TNRC6C: variants seen among roughly 807,000 people sequenced by gnomAD.
TNRC6C encodes the protein trinucleotide repeat containing adaptor 6C, also known as trinucleotide repeat-containing gene 6C protein.
TNRC6C carries 20 observed loss-of-function variants against 153.7 expected under a neutral mutation model. The observed-to-expected ratio is 0.13, with a 90% CI of 0.09 to 0.19. TNRC6C has a LOEUF of 0.19. TNRC6C is among the 10% of genes least tolerant of loss of function. The probability of loss-of-function intolerance (pLI) is 1.00; values close to 1 mark genes in which losing one functional copy is unlikely to be tolerated. For synonymous variants in TNRC6C, 811 were observed against 841.4 expected (o/e 0.96, Z 0.63); for missense variants, 1,987 against 2,172.0 (o/e 0.91, Z 1.69).
intron 3 of TNRC6C, 125 bp from the exon 6 acceptor site, chr17:78,064,597 T>G (rs2072835029): frequency 1.1e-6 from 1 of 904,456 alleles, no homozygotes; most frequent in Non-Finnish European, 1.7e-6. Flanking sequence ...CTTTAAATTT[T>G]CTACTAAAGG....
rs752119878 is a variant in TNRC6C at position 78,104,652 on chromosome 17, G to A, written c.4880G>A (p.Arg1627His). The A allele has an allele frequency of 1.0e-5, 16 of 1,545,036 alleles. No individual in the cohort carries two copies. The highest frequency in any genetic ancestry group is 2.4e-5 in the East Asian group (1 of 40,886). ...GCGGGCAGCTCCCATGGCCTGGTAC[G>A]CAGCGACGCTGGCCACTGGAACGCC... Residue 1627 changes from arginine (R) to histidine (H), a missense_variant, in exon 20 of 20, where the codon CGC (arginine) becomes CAC (histidine). Arg to His is a conservative substitution (Grantham distance 29, BLOSUM62 0). This residue lies in a region of TNRC6C where 139 missense variants were observed against 148.5 expected (regional missense o/e 0.94). Transcript: ENST00000301624. The surrounding 1 kb of genome is among the most constrained non-coding windows in gnomAD (Gnocchi z 6.2).
chr17:78,084,538 G>A (rs1441387849), intron 11 of TNRC6C, among the ~76,000 whole-genome samples: 3 of 151,908 alleles, frequency 2.0e-5, no homozygotes, highest in Admixed American at 6.6e-5. Context: ...ATGTGTCCTC[G>A]CTTTAATGGA....
rs377253780 is a variant in TNRC6C, at chr17:78,071,181, G to GTTACCCACCATGC, written c.2859+18_2859+19insACCCACCATGCTT. 305 of 1,587,840 alleles carry GTTACCCACCATGC rather than the reference G, an allele frequency of 1.9e-4. No individual in the cohort carries two copies. In the African/African-American group the frequency reaches 3.8e-3, roughly 20 times the overall value. On this transcript the variant is annotated intron_variant, in intron 6 of 19. Coordinates refer to ENST00000301624, the Ensembl canonical transcript of TNRC6C. ...GGGCTTCCCGGTAACTGGCGTCGTA[G>GTTACCCACCATGC]TTTACTGCTACCCACCATGCTTCCC...
intron 18 of TNRC6C, among the ~76,000 whole-genome samples, 157 bp from the exon 22 acceptor site, chr17:78,103,257 A>C (rs916685044): frequency 2.6e-5 from 4 of 152,274 alleles, no homozygotes; most frequent in Non-Finnish European, 5.9e-5. Flanking sequence ...ACAGAGATAT[A>C]AAACGTTAAT....
At chr17:78,077,089 A>G (rs2073098076) in intron 8 of TNRC6C, 96 bp from the exon 11 acceptor site, 19 of 1,358,028 alleles carry the variant, frequency 1.4e-5, no homozygotes, top group Non-Finnish European at 1.9e-5. Context: ...TTAATTATTT[A>G]TCCATCCACG....
chr17:78,074,246 T>C lies in TNRC6C; in HGVS notation c.2918-890T>C, dbSNP rs1437549818. ...ATAAATGGACCACAAAAAGGACACT[T>C]CTTTACAACCTGATATCTGAGGCTC... On this transcript the variant is annotated intron_variant, in intron 7 of 19. Transcript: ENST00000301624. 2.0e-5 allele frequency among the ~76,000 whole-genome samples: 3 copies of C among 152,148 alleles called. No individual in the cohort carries two copies. The East Asian group carries it at 5.8e-4, about 29-fold the overall frequency.
At chr17:78,097,386 T>C (rs990761144) in intron 16 of TNRC6C, among the ~76,000 whole-genome samples, 1 of 152,230 alleles carries the variant, frequency 6.6e-6, no homozygotes, top group Non-Finnish European at 1.5e-5. Context: ...GGATGTAGAT[T>C]GCCCTGGATT....
chr17:78,103,367 A>G (rs1266123656), intron 18 of TNRC6C, 47 bp from the exon 22 acceptor site: 1 of 1,604,762 alleles, frequency 6.2e-7, no homozygotes, highest in African/African-American at 1.3e-5. Flanking sequence ...CTGTAGTGAA[A>G]GAAATCAGAA....
chr17:78,083,005 A>T (rs780927272), intron 10 of TNRC6C, 42 bp from the exon 13 acceptor site: 1 of 1,606,802 alleles, frequency 6.2e-7, no homozygotes, highest in Non-Finnish European at 8.5e-7. Flanking sequence ...TAACTATTTT[A>T]ACAGAGATAC....
chr17:78,098,077 A>C (rs2073521113), intron 16 of TNRC6C, among the ~76,000 whole-genome samples: 1 of 152,206 alleles, frequency 6.6e-6, no homozygotes, highest in Non-Finnish European at 1.5e-5. Context: ...CGTCTTCTCC[A>C]TACAAGTGTG....
At chr17:78,050,910 A>T in exon 3 of TNRC6C, 1 of 1,613,882 alleles carries the variant, frequency 6.2e-7, no homozygotes, top group Non-Finnish European at 8.5e-7. Context: ...AAAAAAATGG[A>T]TCTGGATGGG....
At chr17:78,051,096 C>T in exon 3 of TNRC6C, 2 of 1,595,688 alleles carry the variant, frequency 1.3e-6, no homozygotes, top group Non-Finnish European at 1.7e-6. Flanking sequence ...ATGTGAGTAA[C>T]TGGGGAGGAG....
At chr17:78,033,128 T>G (rs1342554361) in intron 2 of TNRC6C, among the ~76,000 whole-genome samples, 1 of 152,160 alleles carries the variant, frequency 6.6e-6, no homozygotes, top group Non-Finnish European at 1.5e-5. Context: ...AAAAACTGAA[T>G]AAGAAATGTA....
intron 1 of TNRC6C, among the ~76,000 whole-genome samples, chr17:78,013,021 A>C (rs570297885): frequency 6.6e-6 from 1 of 152,340 alleles, no homozygotes; most frequent in East Asian, 1.9e-4. Context: ...TTGCTATGAA[A>C]GCAAGGACAA....
At chr17:78,011,734 GTTTCATT>G (rs1402442241) in intron 1 of TNRC6C, among the ~76,000 whole-genome samples, 1 of 152,158 alleles carries the variant, frequency 6.6e-6, no homozygotes, top group Non-Finnish European at 1.5e-5. Flanking sequence ...ATAGGTGTAT[GTTTCATT>G]TTTCAAGAAA....
At chr17:78,038,003 GGA>G (rs1236576587) in intron 2 of TNRC6C, among the ~76,000 whole-genome samples, 1 of 152,134 alleles carries the variant, frequency 6.6e-6, no homozygotes, top group East Asian at 1.9e-4. Flanking sequence ...ATGTATACAC[GGA>G]GAGTTGCAGA....
chr17:78,041,823 G>A (rs181484880), intron 2 of TNRC6C, among the ~76,000 whole-genome samples: 2 of 152,268 alleles, frequency 1.3e-5, no homozygotes, highest in Admixed American at 6.5e-5. Flanking sequence ...AAAGCATTGC[G>A]AACTAGTTTT....
At chr17:78,000,436 A>G (rs970189700), upstream of TNRC6C, among the ~76,000 whole-genome samples, 3 of 152,344 alleles carry the variant, frequency 2.0e-5, no homozygotes, top group African/African-American at 4.8e-5. Context: ...AATTAAGACC[A>G]TAACTATTTC....
chr17:77,979,357 A>C (rs2071042644), intron 1 of TNRC6C, among the ~76,000 whole-genome samples: 1 of 152,242 alleles, frequency 6.6e-6, no homozygotes, highest in African/African-American at 2.4e-5. Flanking sequence ...CTAAATTATC[A>C]CATGAATCCT....
Sources: allele counts gnomAD v4.1 joint callset (sites outside exome capture counted in the v4.1 genomes callset), GRCh38; gene constraint gnomAD v4.1.1; regional missense constraint gnomAD v4.1.1; non-coding constraint Gnocchi (gnomAD v3.1); transcripts MANE v1.5; gene names NCBI Gene and HGNC (gene_info 2026-07-23, HGNC 2026-07-21).